SHISA9: variants seen among roughly 807,000 people sequenced by gnomAD.
SHISA9 encodes shisa family member 9, also known as protein shisa-9.
SHISA9 carries 13 observed loss-of-function variants against 38.0 expected under a neutral mutation model. That is an observed-to-expected ratio of 0.34 (90% CI 0.22 to 0.54). The LOEUF is 0.54. Among genes scored for constraint, SHISA9 ranks in the 20% least tolerant of loss-of-function variants. The pLI, the probability that SHISA9 is intolerant of heterozygous loss-of-function variation, is 0.91. For missense variants in SHISA9, 538 were observed against 575.8 expected, an observed-to-expected ratio of 0.93 and a Z score of 0.67; for synonymous variants, 275 against 242.0, an observed-to-expected ratio of 1.14 and a Z score of -1.27.
chr16:13,061,048 T>C (rs571871603), intron 2 of SHISA9, among the ~76,000 whole-genome samples: 1 of 152,234 alleles, frequency 6.6e-6, no homozygotes, highest in African/African-American at 2.4e-5. Flanking sequence ...AATGCTCCTG[T>C]CTCCACTGGG....
chr16:13,119,524 A>G (rs986333054), intron 2 of SHISA9, among the ~76,000 whole-genome samples: 16 of 152,260 alleles, frequency 1.1e-4, no homozygotes, highest in Admixed American at 1.0e-3. Context: ...AGGCAATGAT[A>G]TATTAATAAA....
chr16:13,277,152 C>A, the SHISA9 span, among the ~76,000 whole-genome samples: 1 of 152,126 alleles, frequency 6.6e-6, no homozygotes, highest in South Asian at 2.1e-4. Context: ...ATTATCCCAG[C>A]ACCATTTGTT....
chr16:13,125,185 G>A (rs551614480), intron 2 of SHISA9, among the ~76,000 whole-genome samples: 13 of 152,304 alleles, frequency 8.5e-5, no homozygotes, highest in African/African-American at 2.4e-4. Context: ...AGACCACCCA[G>A]AGAATGGGAG....
intron 2 of SHISA9, among the ~76,000 whole-genome samples, chr16:12,934,161 A>G (rs139501037): frequency 6.6e-6 from 1 of 152,226 alleles, no homozygotes; most frequent in East Asian, 1.9e-4. Context: ...GGATGAGATT[A>G]TATAAATAAA....
chr16:13,560,627 G>C, the SHISA9 span, among the ~76,000 whole-genome samples: 12 of 151,990 alleles, frequency 7.9e-5, no homozygotes, highest in East Asian at 5.8e-4. Flanking sequence ...TCCATGCTAG[G>C]TTCTAGGGAT....
chr16:13,288,221 C>G, the SHISA9 span, among the ~76,000 whole-genome samples: 5 of 152,106 alleles, frequency 3.3e-5, no homozygotes, highest in African/African-American at 9.7e-5. Context: ...ACCATGTTGG[C>G]TATTGGTCAG....
chr16:13,310,752 C>T, the SHISA9 span, among the ~76,000 whole-genome samples: 1 of 144,576 alleles, frequency 6.9e-6, no homozygotes, highest in African/African-American at 2.6e-5. Flanking sequence ...GGTGCAATCT[C>T]GGCCCACTGC....
chr16:13,042,858 A>C (rs1294540874), intron 2 of SHISA9, among the ~76,000 whole-genome samples: 1 of 152,152 alleles, frequency 6.6e-6, no homozygotes, highest in Admixed American at 6.5e-5. Flanking sequence ...CTTGGCTGCC[A>C]CTGTATCACT....
chr16:13,458,821 T>A, the SHISA9 span: 2 of 180,040 alleles, frequency 1.1e-5, no homozygotes, highest in Non-Finnish European at 2.4e-5. Context: ...ATTGTGGACT[T>A]CCAATAAATT....
At chr16:13,405,773 C>T in the SHISA9 span, among the ~76,000 whole-genome samples, 2 of 152,094 alleles carry the variant, frequency 1.3e-5, no homozygotes, top group Non-Finnish European at 2.9e-5. Flanking sequence ...TGGCCTCCAG[C>T]TTCATCCATG....
At chr16:13,024,921 C>G (rs1159519361) in intron 2 of SHISA9, among the ~76,000 whole-genome samples, 1 of 152,108 alleles carries the variant, frequency 6.6e-6, no homozygotes, top group Non-Finnish European at 1.5e-5. Context: ...TAACATCTGT[C>G]AAATGCAAGT....
chr16:12,979,163 G>A (rs2072207459), intron 2 of SHISA9, among the ~76,000 whole-genome samples: 1 of 152,128 alleles, frequency 6.6e-6, no homozygotes, highest in South Asian at 2.1e-4. Context: ...TTCTTGCATG[G>A]TTTATAGCCA....
chr16:13,283,200 T>C, the SHISA9 span, among the ~76,000 whole-genome samples: 1 of 152,268 alleles, frequency 6.6e-6, no homozygotes, highest in East Asian at 1.9e-4. Context: ...AACTTTGGCT[T>C]TACATTTTGC....
intron 2 of SHISA9, among the ~76,000 whole-genome samples, chr16:13,175,637 G>T (rs1157692549): frequency 2.6e-5 from 4 of 152,182 alleles, no homozygotes; most frequent in Non-Finnish European, 5.9e-5. Flanking sequence ...TTTTCAACTG[G>T]TCTTAAAGGA....
At chr16:13,319,858 G>T in the SHISA9 span, among the ~76,000 whole-genome samples, 1 of 151,378 alleles carries the variant, frequency 6.6e-6, no homozygotes, top group Non-Finnish European at 1.5e-5. Flanking sequence ...TTCCAGCGGG[G>T]ATGGTTCTTA....
chr16:13,064,562 T>C (rs1017776762), intron 2 of SHISA9, among the ~76,000 whole-genome samples: 1 of 152,132 alleles, frequency 6.6e-6, no homozygotes. Flanking sequence ...TTGAATGATA[T>C]AAGGATCATT....
chr16:13,403,274 C>T, the SHISA9 span, among the ~76,000 whole-genome samples: 1 of 152,326 alleles, frequency 6.6e-6, no homozygotes, highest in South Asian at 2.1e-4. Context: ...CCTCAGATCC[C>T]TGCTGCATGA....
At chr16:13,455,582 C>G in the SHISA9 span, among the ~76,000 whole-genome samples, 1 of 152,194 alleles carries the variant, frequency 6.6e-6, no homozygotes, top group African/African-American at 2.4e-5. Context: ...TCCTAATATG[C>G]ATGTGGAAAT....
the SHISA9 span, among the ~76,000 whole-genome samples, chr16:13,381,932 T>A: frequency 6.6e-6 from 1 of 152,174 alleles, no homozygotes; most frequent in Admixed American, 6.5e-5. Flanking sequence ...ATGAAGAGAG[T>A]GTTCCCAGAC....
Sources: gnomAD v4.1 joint callset for allele counts (sites outside exome capture counted in the v4.1 genomes callset) on GRCh38, gnomAD v4.1.1 for gene constraint, MANE v1.5 for transcripts, NCBI Gene and HGNC (gene_info 2026-07-23, HGNC 2026-07-21) for gene names.